MRTFB: variants seen among roughly 807,000 people sequenced by gnomAD.
The protein encoded by MRTFB is myocardin related transcription factor B.
Under a neutral mutation model 104.2 loss-of-function variants are expected in MRTFB, and 29 were observed. That is an observed-to-expected ratio of 0.28 (90% CI 0.21 to 0.38). MRTFB has a LOEUF of 0.38. Among genes scored for constraint, MRTFB ranks in the 10% least tolerant of loss-of-function variants. The pLI, the probability that MRTFB is intolerant of heterozygous loss-of-function variation, is 1.00. For synonymous variants in MRTFB, 535 were observed against 519.5 expected (o/e 1.03, Z -0.41); for missense variants, 1,270 against 1,341.6 (o/e 0.95, Z 0.83).
At chr16:14,012,500 G>C in the MRTFB span, among the ~76,000 whole-genome samples, 4 of 151,614 alleles carry the variant, frequency 2.6e-5, no homozygotes, top group African/African-American at 7.3e-5. Context: ...GGGTTTCTCC[G>C]TGTTAGCCAG....
At chr16:14,041,498 C>T in the MRTFB span, among the ~76,000 whole-genome samples, 6 of 152,260 alleles carry the variant, frequency 3.9e-5, no homozygotes, top group East Asian at 9.6e-4. Context: ...TGTAGCATCT[C>T]GTTTTCTGAG....
At chr16:14,190,984 G>A (rs1321453763) in intron 3 of MRTFB, among the ~76,000 whole-genome samples, 1 of 152,216 alleles carries the variant, frequency 6.6e-6, no homozygotes, top group South Asian at 2.1e-4. Context: ...GTACTGGGAT[G>A]TGTCTATAGT....
the MRTFB span, among the ~76,000 whole-genome samples, chr16:14,037,674 T>G: frequency 6.6e-6 from 1 of 152,134 alleles, no homozygotes; most frequent in Non-Finnish European, 1.5e-5. Flanking sequence ...AGGAGGTAAA[T>G]CTGCAAAGAA....
chr16:14,227,076 T>A (rs766132666), intron 8 of MRTFB, among the ~76,000 whole-genome samples: 8 of 152,010 alleles, frequency 5.3e-5, no homozygotes, highest in Non-Finnish European at 1.0e-4. Flanking sequence ...TATTTGCAAA[T>A]CATATATCTT....
chr16:14,245,766 C>A, intron 11 of MRTFB, 106 bp downstream of exon 11: 1 of 1,214,724 alleles, frequency 8.2e-7, no homozygotes, highest in East Asian at 2.4e-5. Context: ...AGACATTCAA[C>A]TTTACCAACA....
At chr16:14,166,946 T>C (rs536533748) in intron 3 of MRTFB, among the ~76,000 whole-genome samples, 26 of 152,316 alleles carry the variant, frequency 1.7e-4, no homozygotes, top group African/African-American at 5.8e-4. Flanking sequence ...GTCTTTGCTA[T>C]TGTGAATAGT....
intron 2 of MRTFB, among the ~76,000 whole-genome samples, chr16:14,131,499 T>C (rs1158423709): frequency 6.6e-6 from 1 of 152,076 alleles, no homozygotes; most frequent in Non-Finnish European, 1.5e-5. Context: ...CAAAGCACAT[T>C]ATCAAGAAAT....
the MRTFB span, among the ~76,000 whole-genome samples, chr16:14,022,746 CTTTTTT>C: frequency 2.3e-5 from 2 of 88,668 alleles, no homozygotes; most frequent in Admixed American, 1.2e-4. Context: ...TAATACTGTT[CTTTTTT>C]TTTTTTTTTT....
chr16:14,020,085 A>G, the MRTFB span, among the ~76,000 whole-genome samples: 1 of 152,138 alleles, frequency 6.6e-6, no homozygotes, highest in African/African-American at 2.4e-5. Flanking sequence ...CACCCTGTCT[A>G]TGCAATCCTC....
At chr16:14,259,252 T>C (rs1381360902) in intron 16 of MRTFB, among the ~76,000 whole-genome samples, 1 of 151,680 alleles carries the variant, frequency 6.6e-6, no homozygotes, top group East Asian at 1.9e-4. Flanking sequence ...CTGGCCAACA[T>C]GGTGAAACCC....
intron 2 of MRTFB, among the ~76,000 whole-genome samples, chr16:14,100,702 A>ATC (rs1270598932): frequency 2.6e-5 from 4 of 152,192 alleles, no homozygotes; most frequent in Non-Finnish European, 5.9e-5. Flanking sequence ...AGCTATTTGG[A>ATC]TCTAATGTTT....
chr16:14,099,647 C>G (rs1248605439), intron 2 of MRTFB, among the ~76,000 whole-genome samples: 1 of 150,856 alleles, frequency 6.6e-6, no homozygotes, highest in Non-Finnish European at 1.5e-5. Context: ...CCATGCCCAG[C>G]CGTATTCTGC....
chr16:14,107,556 G>A (rs1480140108), intron 2 of MRTFB, among the ~76,000 whole-genome samples: 1 of 152,200 alleles, frequency 6.6e-6, no homozygotes, highest in Non-Finnish European at 1.5e-5. Context: ...TTGGGGAAGA[G>A]GGGTGAATGT....
the MRTFB span, among the ~76,000 whole-genome samples, chr16:14,033,893 T>C: frequency 2.0e-5 from 3 of 146,494 alleles, no homozygotes; most frequent in Non-Finnish European, 4.5e-5. Context: ...AAATAAAAAC[T>C]GTGTGGTGAG....
At chr16:14,206,936 A>T (rs534332239) in intron 3 of MRTFB, among the ~76,000 whole-genome samples, 3 of 152,256 alleles carry the variant, frequency 2.0e-5, no homozygotes, top group African/African-American at 7.2e-5. Flanking sequence ...AGCTAAAAAA[A>T]AAAAAAACTG....
rs1480066476 is a variant in MRTFB, at chr16:14,266,435, CTACAGAGCCCTGCT to C, written c.*4993_*5006del. The C allele has an allele frequency of 3.9e-5, 6 of 152,180 alleles. No homozygotes were observed. The highest frequency in any genetic ancestry group is 1.5e-5 in the Non-Finnish European group (1 of 68,030). 9.4% of individuals were successfully genotyped at this position (152,180 alleles called of 1,614,324 possible). On this transcript the variant is annotated 3_prime_UTR_variant, in exon 17 of 17. Transcript: ENST00000571589. ...TGAAAAAAAGGAGAAAGATACCAATCTACAGAGCCCTGCTTGTTGAAGCACTAGTTTAATCAACA... is the reference window on the plus strand; with the variant it reads ...TGAAAAAAAGGAGAAAGATACCAATCTGTTGAAGCACTAGTTTAATCAACA...
chr16:14,149,492 TA>T (rs1425640037), intron 3 of MRTFB: 1 of 152,198 alleles, frequency 6.6e-6, no homozygotes, highest in Non-Finnish European at 1.5e-5. Flanking sequence ...ACATAGCAGT[TA>T]AGAAGAATGT....
At chr16:14,135,592 A>G (rs982087373) in intron 2 of MRTFB, among the ~76,000 whole-genome samples, 1 of 152,236 alleles carries the variant, frequency 6.6e-6, no homozygotes, top group Non-Finnish European at 1.5e-5. Context: ...CTCAGAGTGT[A>G]TCCCTGTCAT....
At chr16:14,089,758 C>T (rs997433738) in intron 2 of MRTFB, among the ~76,000 whole-genome samples, 4 of 152,180 alleles carry the variant, frequency 2.6e-5, no homozygotes, top group Non-Finnish European at 4.4e-5. Flanking sequence ...TTCTCAGCAA[C>T]ATTTGAGGGT....
Sources: gnomAD v4.1 joint callset for allele counts (sites outside exome capture counted in the v4.1 genomes callset) on GRCh38, gnomAD v4.1.1 for gene constraint, MANE v1.5 for transcripts, NCBI Gene and HGNC (gene_info 2026-07-23, HGNC 2026-07-21) for gene names.